Variants in PIGU observed in about 807,000 individuals in gnomAD.
PIGU encodes GPI-anchor transamidase component PIGU.
A neutral mutation model predicts 49.9 loss-of-function variants in PIGU; 24 were observed. The observed-to-expected ratio is 0.48, with a 90% CI of 0.35 to 0.68. The LOEUF is 0.68. Among genes scored for constraint, PIGU ranks in the 30% least tolerant of loss-of-function variants. The pLI is 0.01. For missense variants in PIGU, 490 were observed against 532.6 expected, an observed-to-expected ratio of 0.92 and a Z score of 0.79; for synonymous variants, 220 against 205.7, an observed-to-expected ratio of 1.07 and a Z score of -0.59.
At chr20:34,638,639 A>C (rs560230625) in intron 4 of PIGU, among the ~76,000 whole-genome samples, 5 of 152,336 alleles carry the variant, frequency 3.3e-5, no homozygotes, top group Non-Finnish European at 5.9e-5. Context: ...GAATGATCCC[A>C]AATGTCACAG....
At position 34,575,175 on chromosome 20, in the gene PIGU, G is replaced by C. The variant is rs769289636; in HGVS notation, c.1123C>G (p.Leu375Val). The change falls in exon 11 of 12, where the codon CTC (leucine) becomes GTC (valine). Residue 375 changes from leucine (L) to valine (V), a missense_variant. Coordinates refer to ENST00000217446, the MANE Select transcript of PIGU (RefSeq NM_080476.5). ...CSLLFPVLWH[L>V]WIYAGSANSN... ...TTGGCACTTCCTGCATAAATCCAGA[G>C]GTGCCACAGGACAGGGAAGAGCAGG... 9.3e-6 allele frequency: 15 copies of C among 1,614,042 alleles called. No individual in the cohort carries two copies. The South Asian group carries it at 1.6e-4, about 18-fold the overall frequency.
Position 34,575,319 on chromosome 20 carries a change from CT to C in PIGU, c.1052-74del, listed in dbSNP as rs1282953083. The C allele has an allele frequency of 3.2e-6, 5 of 1,544,570 alleles. No individual in the cohort carries two copies. In the African/African-American group the frequency reaches 5.4e-5, roughly 17 times the overall value. ...TGCTTTCCCTGCTGCAATGGCCCCC[CT>C]GAATGGAGAGGCCCAAGGTGAGCAT... On this transcript the variant is annotated intron_variant, in intron 10 of 11. Transcript: ENST00000217446.
intron 10 of PIGU, among the ~76,000 whole-genome samples, chr20:34,580,866 AGAG>A (rs1448794684): frequency 6.6e-6 from 1 of 152,162 alleles, no homozygotes; most frequent in African/African-American, 2.4e-5. Flanking sequence ...CCACCTCTGA[AGAG>A]GGGATGGTTA....
At chr20:34,642,693 CATAT>C (rs11472795) in intron 4 of PIGU, among the ~76,000 whole-genome samples, 28 of 120,290 alleles carry the variant, frequency 2.3e-4, no homozygotes, top group African/African-American at 5.9e-4. Context: ...ACACATATCT[CATAT>C]ATATATATAT....
intron 1 of PIGU, among the ~76,000 whole-genome samples, chr20:34,673,147 G>A (rs1455538006): frequency 2.6e-5 from 4 of 151,600 alleles, no homozygotes; most frequent in Admixed American, 1.3e-4. Flanking sequence ...CCAGCTACTC[G>A]GGAGGCTGAG....
chr20:34,564,253 C>T (rs574714621), intron 11 of PIGU, among the ~76,000 whole-genome samples: 2 of 152,218 alleles, frequency 1.3e-5, no homozygotes, highest in East Asian at 1.9e-4. Context: ...AAACACATCA[C>T]GGTAAAATAT....
intron 6 of PIGU, among the ~76,000 whole-genome samples, chr20:34,620,612 C>T (rs1393566824): frequency 6.6e-6 from 1 of 151,800 alleles, no homozygotes; most frequent in Non-Finnish European, 1.5e-5. Context: ...GAGATCGAGA[C>T]CATCCTGACT....
At chr20:34,672,001 C>T (rs901543621) in intron 1 of PIGU, among the ~76,000 whole-genome samples, 1 of 152,134 alleles carries the variant, frequency 6.6e-6, no homozygotes, top group Non-Finnish European at 1.5e-5. Flanking sequence ...GGCACGATCT[C>T]GGCTCACTGC....
chr20:34,649,752 C>CT (rs1437218631), intron 2 of PIGU, among the ~76,000 whole-genome samples: 2 of 151,566 alleles, frequency 1.3e-5, no homozygotes, highest in Non-Finnish European at 2.9e-5. Flanking sequence ...CTAGGCTGGT[C>CT]TTGAACTCCT....
intron 11 of PIGU, among the ~76,000 whole-genome samples, chr20:34,571,449 C>T (rs1169345349): frequency 6.6e-6 from 1 of 152,166 alleles, no homozygotes; most frequent in East Asian, 1.9e-4. Flanking sequence ...ATATTCAGCT[C>T]TTGATTTCAG....
chr20:34,636,041 T>TA (rs1453657465), intron 5 of PIGU, among the ~76,000 whole-genome samples: 3 of 137,538 alleles, frequency 2.2e-5, no homozygotes, highest in Non-Finnish European at 4.7e-5. Flanking sequence ...AAAAAAAACA[T>TA]AAAAAAACCC....
intron 1 of PIGU, 103 bp from the exon 2 acceptor site, chr20:34,657,347 C>G: frequency 1.3e-6 from 1 of 761,106 alleles, no homozygotes; most frequent in Non-Finnish European, 2.2e-6. Flanking sequence ...TTTATCTAAC[C>G]CCCTTTACCT....
chr20:34,620,793 T>A, intron 6 of PIGU, among the ~76,000 whole-genome samples: 1 of 119,752 alleles, frequency 8.4e-6, no homozygotes, highest in Non-Finnish European at 1.7e-5. Context: ...ACAGCAAGAC[T>A]CCACCTAAAA....
chr20:34,620,833 A>C (rs1227903647), intron 6 of PIGU, among the ~76,000 whole-genome samples: 10 of 148,724 alleles, frequency 6.7e-5, no homozygotes, highest in South Asian at 2.1e-4. Flanking sequence ...AAAAAAAAAA[A>C]CAAAAAAAAC....
At chr20:34,563,659 T>G (rs1263301056) in intron 11 of PIGU, among the ~76,000 whole-genome samples, 1 of 151,594 alleles carries the variant, frequency 6.6e-6, no homozygotes. Flanking sequence ...TCCAGAAGAA[T>G]TCCAAACAAT....
At chr20:34,645,187 C>CAAAAAAA in intron 3 of PIGU, 88 bp downstream of exon 3, 2 of 1,031,154 alleles carry the variant, frequency 1.9e-6, no homozygotes, top group South Asian at 2.1e-5. Flanking sequence ...GACCCCATCT[C>CAAAAAAA]AAAAAAAAAA....
At position 34,666,509 on chromosome 20, in the gene PIGU, GCTTA is replaced by G. The variant is rs1432144360; in HGVS notation, c.131-9269_131-9266del. On this transcript the variant is annotated intron_variant, in intron 1 of 11. Coordinates refer to ENST00000217446, the MANE Select transcript of PIGU (RefSeq NM_080476.5). ...AACTGATAACTAACCCATGAAGCAAGCTTATTTAATTAATTAATTTATTTATTTA... is the reference window on the plus strand; with the variant it reads ...AACTGATAACTAACCCATGAAGCAAGTTTAATTAATTAATTTATTTATTTA... Among the ~76,000 whole-genome samples, 16 of 150,248 alleles carry G rather than the reference GCTTA, an allele frequency of 1.1e-4. No homozygotes were observed. In the South Asian group the frequency reaches 3.4e-3, roughly 31 times the overall value.
intron 9 of PIGU, among the ~76,000 whole-genome samples, chr20:34,583,019 A>G (rs185788990): frequency 6.6e-6 from 1 of 152,262 alleles, no homozygotes; most frequent in East Asian, 1.9e-4. Context: ...CTAGCCCATG[A>G]AGGTTTTCTT....
At chr20:34,590,520 G>T (rs6059934) in intron 7 of PIGU, among the ~76,000 whole-genome samples, 61,424 of 151,006 alleles carry the variant, frequency 0.41, 13,746 homozygotes, top group Non-Finnish European at 0.49. Flanking sequence ...TTGCACCACG[G>T]CTGCACTCCA....
Sources: gnomAD v4.1 joint callset for allele counts (sites outside exome capture counted in the v4.1 genomes callset) on GRCh38, gnomAD v4.1.1 for gene constraint, MANE v1.5 for transcripts, NCBI Gene and HGNC (gene_info 2026-07-23, HGNC 2026-07-21) for gene names.